The following CAMK1D variants were observed in gnomAD, a reference collection of about 807,000 sequenced individuals.
CAMK1D encodes the protein calcium/calmodulin-dependent protein kinase type 1D.
In CAMK1D, 9 loss-of-function variants were observed where a neutral mutation model predicts 47.7. The ratio of observed to expected loss-of-function variants is 0.19; its 90% CI spans 0.11 to 0.33. CAMK1D has a LOEUF of 0.33. Among genes scored for constraint, CAMK1D ranks in the 10% least tolerant of loss-of-function variants. The probability of loss-of-function intolerance (pLI) is 1.00; values close to 1 mark genes in which losing one functional copy is unlikely to be tolerated. For synonymous variants in CAMK1D, 184 were observed against 184.9 expected (o/e 0.99, Z 0.04); for missense variants, 291 against 488.7 (o/e 0.60, Z 3.81).
At chr10:12,647,218 T>C (rs1015108673) in intron 2 of CAMK1D, among the ~76,000 whole-genome samples, 8 of 147,554 alleles carry the variant, frequency 5.4e-5, no homozygotes, top group African/African-American at 2.0e-4. Flanking sequence ...TGACGCGATC[T>C]TGGCTCACTG....
At chr10:12,821,781 C>T (rs1034267990) in intron 8 of CAMK1D, among the ~76,000 whole-genome samples, 2 of 152,126 alleles carry the variant, frequency 1.3e-5, no homozygotes, top group African/African-American at 4.8e-5. Flanking sequence ...TCAAGACCAG[C>T]CTGGCCAATA....
At chr10:12,643,147 G>T (rs1264977988) in intron 2 of CAMK1D, among the ~76,000 whole-genome samples, 1 of 151,960 alleles carries the variant, frequency 6.6e-6, no homozygotes, top group Non-Finnish European at 1.5e-5. Flanking sequence ...AATTACAGGC[G>T]CCCCCCACCA....
At chr10:12,806,322 G>A (rs1239243932) in intron 6 of CAMK1D, among the ~76,000 whole-genome samples, 1 of 152,216 alleles carries the variant, frequency 6.6e-6, no homozygotes, top group Non-Finnish European at 1.5e-5. Context: ...GACCTGGTCA[G>A]TGCTCAGTCT....
rs1833867376 is a variant in CAMK1D at position 12,709,775 on chromosome 10, A to G, written c.299+42965A>G. On this transcript the variant is annotated intron_variant, in intron 3 of 10. Transcript: ENST00000619168. ...CAAATTTATGATTTAATCAGCTTCA[A>G]AGTATTTCTGCTGAGTTTTGTTACT... is the stretch of plus-strand genomic sequence containing the variant. Among the ~76,000 whole-genome samples, 3 of 152,208 alleles carry G rather than the reference A, an allele frequency of 2.0e-5. No homozygotes were observed. In the South Asian group the frequency reaches 6.2e-4, roughly 32 times the overall value.
intron 1 of CAMK1D, among the ~76,000 whole-genome samples, chr10:12,504,330 G>A (rs926203857): frequency 6.6e-6 from 1 of 152,130 alleles, no homozygotes; most frequent in African/African-American, 2.4e-5. Flanking sequence ...GAACTGGGGG[G>A]ATTTGGAGGG....
At chr10:12,557,239 T>G (rs1040841270) in intron 2 of CAMK1D, among the ~76,000 whole-genome samples, 17 of 152,084 alleles carry the variant, frequency 1.1e-4, no homozygotes, top group Non-Finnish European at 2.4e-4. Flanking sequence ...GTAAAGTTTT[T>G]CAGACACAGC....
intron 10 of CAMK1D, among the ~76,000 whole-genome samples, chr10:12,826,831 C>T (rs557412866): frequency 6.6e-6 from 1 of 152,380 alleles, no homozygotes; most frequent in East Asian, 1.9e-4. Flanking sequence ...TCAAAGGGAA[C>T]CCCACGATGG....
At chr10:12,425,976 T>C (rs1009447074) in intron 1 of CAMK1D, among the ~76,000 whole-genome samples, 1 of 152,242 alleles carries the variant, frequency 6.6e-6, no homozygotes, top group African/African-American at 2.4e-5. Flanking sequence ...TAATTCAGGC[T>C]CACTGGAGAA....
At chr10:12,625,434 A>G (rs1437051171) in intron 2 of CAMK1D, among the ~76,000 whole-genome samples, 1 of 148,490 alleles carries the variant, frequency 6.7e-6, no homozygotes, top group Non-Finnish European at 1.5e-5. Flanking sequence ...TCTTGGGTTC[A>G]GGTGATCCTC....
chr10:12,472,206 C>T (rs1033729605), intron 1 of CAMK1D, among the ~76,000 whole-genome samples: 11 of 152,270 alleles, frequency 7.2e-5, no homozygotes, highest in Admixed American at 1.3e-4. Context: ...TGAGACACAG[C>T]GATGCTCTGC....
rs554329088 is a variant in CAMK1D at position 12,601,896 on chromosome 10, C to G, written c.224+48540C>G. ...CTGGTGTGCATTAGGTACCTGTGGACAAGGCAGCTGAGCTCTTAGGAGGAA... is the reference window on the plus strand; with the variant it reads ...CTGGTGTGCATTAGGTACCTGTGGAGAAGGCAGCTGAGCTCTTAGGAGGAA... On this transcript the variant is annotated intron_variant, in intron 2 of 10. Transcript: ENST00000619168. 4.6e-5 allele frequency among the ~76,000 whole-genome samples: 7 copies of G among 152,314 alleles called. No individual in the cohort carries two copies. In the South Asian group the frequency reaches 1.5e-3, roughly 32 times the overall value.
chr10:12,777,214 C>T (rs905813534), intron 5 of CAMK1D, among the ~76,000 whole-genome samples: 2 of 152,030 alleles, frequency 1.3e-5, no homozygotes, highest in African/African-American at 4.8e-5. Flanking sequence ...CAGAGGATAC[C>T]AAGACAGAGA....
intron 2 of CAMK1D, among the ~76,000 whole-genome samples, chr10:12,605,337 A>AGTGTGTGTGTGTGTGTGTGTGT (rs112178502): frequency 6.9e-6 from 1 of 145,216 alleles, no homozygotes; most frequent in Non-Finnish European, 1.5e-5. Flanking sequence ...AAACCATTCA[A>AGTGTGTGTGTGTGTGTGTGTGT]GTGTGTGTGT....
At chr10:12,458,309 G>T (rs1041860028) in intron 1 of CAMK1D, among the ~76,000 whole-genome samples, 2 of 152,172 alleles carry the variant, frequency 1.3e-5, no homozygotes, top group Non-Finnish European at 2.9e-5. Flanking sequence ...AGGCTCATGC[G>T]GCAGGACCTA....
chr10:12,699,131 C>G (rs1833412907), intron 3 of CAMK1D, among the ~76,000 whole-genome samples: 2 of 152,108 alleles, frequency 1.3e-5, no homozygotes, highest in South Asian at 4.1e-4. Flanking sequence ...TGGCGAAGGA[C>G]TCTCTGGTGA....
chr10:12,428,896 C>G (rs1340647580), intron 1 of CAMK1D, among the ~76,000 whole-genome samples: 1 of 152,222 alleles, frequency 6.6e-6, no homozygotes, highest in East Asian at 1.9e-4. Context: ...AAGAAGGTGG[C>G]TGTCCATACC....
chr10:12,730,376 G>A (rs1019687329), intron 3 of CAMK1D, among the ~76,000 whole-genome samples: 4 of 152,150 alleles, frequency 2.6e-5, no homozygotes, highest in Admixed American at 6.5e-5. Flanking sequence ...GGTCAGCACC[G>A]ATTTGGGGGG....
intron 3 of CAMK1D, among the ~76,000 whole-genome samples, chr10:12,748,648 G>A (rs1835791092): frequency 6.6e-6 from 1 of 152,170 alleles, no homozygotes; most frequent in Non-Finnish European, 1.5e-5. Flanking sequence ...AGAAGATGCT[G>A]TTTACTGTGC....
chr10:12,536,166 A>G (rs1835963872), intron 1 of CAMK1D, among the ~76,000 whole-genome samples: 1 of 152,146 alleles, frequency 6.6e-6, no homozygotes. Context: ...TGAACAGATT[A>G]CCATGTACCC....
Sources: allele counts gnomAD v4.1 joint callset (sites outside exome capture counted in the v4.1 genomes callset), GRCh38; gene constraint gnomAD v4.1.1; transcripts MANE v1.5; gene names NCBI Gene and HGNC (gene_info 2026-07-23, HGNC 2026-07-21).